SUSD1: variants seen among roughly 807,000 people sequenced by gnomAD.
SUSD1 encodes the protein sushi domain-containing protein 1.
A neutral mutation model predicts 86.9 loss-of-function variants in SUSD1; 65 were observed. The observed-to-expected ratio is 0.75, with a 90% CI of 0.61 to 0.92. The LOEUF (loss-of-function observed/expected upper bound fraction) is 0.92, where lower values mean the gene tolerates loss of function less well. SUSD1 is among the 40% of genes least tolerant of loss of function. The probability of loss-of-function intolerance (pLI) is 0.00; values close to 1 mark genes in which losing one functional copy is unlikely to be tolerated. For synonymous variants in SUSD1, 346 were observed against 350.0 expected, an observed-to-expected ratio of 0.99 and a Z score of 0.13; for missense variants, 850 against 929.7, an observed-to-expected ratio of 0.91 and a Z score of 1.11.
chr9:112,054,264 G>T (rs147672724), intron 14 of SUSD1, among the ~76,000 whole-genome samples: 1 of 152,248 alleles, frequency 6.6e-6, no homozygotes, highest in East Asian at 1.9e-4. Context: ...GTTAACAAGA[G>T]TGCCAAGACC....
chr9:112,062,290 A>C (rs1828763431), intron 13 of SUSD1, among the ~76,000 whole-genome samples: 1 of 152,186 alleles, frequency 6.6e-6, no homozygotes, highest in African/African-American at 2.4e-5. Flanking sequence ...AGTGCAAAGG[A>C]CAATCCTGAC....
Position 112,149,271 on chromosome 9 carries a change from T to C in SUSD1, c.346A>G (p.Ile116Val). 6.2e-7 allele frequency: 1 copy of C among 1,614,212 alleles called. No individual in the cohort carries two copies. The highest frequency in any genetic ancestry group is 8.5e-7 in the Non-Finnish European group (1 of 1,180,034). Residue 116 changes from isoleucine (I) to valine (V), a missense_variant, in exon 3 of 17, where the codon ATT becomes GTT. Coordinates refer to ENST00000374270, the MANE Select transcript of SUSD1 (RefSeq NM_022486.5). ...GTACAAAAGGTGCCATCGTTGGGAA[T>C]GAATGTCTTGTTGTTGTTTGTGGCT... The part of the protein sequence containing the change: ...YRATNNNKTF[I>V]PNDGTFCTDI...
chr9:112,090,885 C>A (rs115982441), intron 10 of SUSD1, among the ~76,000 whole-genome samples: 1 of 152,098 alleles, frequency 6.6e-6, no homozygotes, highest in Non-Finnish European at 1.5e-5. Flanking sequence ...TGTGTCTATA[C>A]GCATGATTAG....
At chr9:112,153,178 G>A (rs1782855099) in intron 2 of SUSD1, among the ~76,000 whole-genome samples, 2 of 151,484 alleles carry the variant, frequency 1.3e-5, no homozygotes, top group Admixed American at 6.6e-5. Flanking sequence ...GAGGTGGAAG[G>A]ATCACTTGAG....
intron 8 of SUSD1, among the ~76,000 whole-genome samples, chr9:112,102,659 A>G (rs574632354): frequency 2.0e-5 from 3 of 152,390 alleles, no homozygotes; most frequent in African/African-American, 7.2e-5. Context: ...AATGTCATGA[A>G]GGTAAGCATA....
intron 5 of SUSD1, among the ~76,000 whole-genome samples, chr9:112,126,398 G>C (rs1831774376): frequency 6.6e-6 from 1 of 152,180 alleles, no homozygotes; most frequent in Admixed American, 6.5e-5. Flanking sequence ...TCTTGGACGT[G>C]ACCAAGAATA....
intron 1 of SUSD1, among the ~76,000 whole-genome samples, chr9:112,165,885 AAAAG>A (rs149320406): frequency 0.12 from 12,019 of 102,656 alleles, 2,185 homozygotes; most frequent in African/African-American, 0.24. Context: ...AAGAGAAAGA[AAAAG>A]AAAGAAAGAA....
At chr9:112,063,659 C>T (rs756354626) in intron 12 of SUSD1, among the ~76,000 whole-genome samples, 13 of 150,960 alleles carry the variant, frequency 8.6e-5, no homozygotes, top group East Asian at 1.9e-4. Flanking sequence ...GTTTTCCATC[C>T]GGAGGAAACT....
chr9:112,168,102 C>G (rs1833899237), intron 1 of SUSD1, among the ~76,000 whole-genome samples: 1 of 152,196 alleles, frequency 6.6e-6, no homozygotes, highest in South Asian at 2.1e-4. Flanking sequence ...GGTAGGGACA[C>G]AGCCAAACCA....
At chr9:112,097,918 C>A (rs180841784) in intron 10 of SUSD1, among the ~76,000 whole-genome samples, 1 of 152,184 alleles carries the variant, frequency 6.6e-6, no homozygotes, top group Non-Finnish European at 1.5e-5. Flanking sequence ...CCACAGCCAT[C>A]CCACTAGGGG....
intron 9 of SUSD1, 44 bp downstream of exon 9, chr9:112,102,132 A>C (rs777705102): frequency 1.7e-6 from 2 of 1,203,830 alleles, no homozygotes; most frequent in East Asian, 5.1e-5. Flanking sequence ...CCAAATTTTT[A>C]AATGACACAA....
Position 112,135,063 on chromosome 9 carries a change from C to CAA in SUSD1, c.706+7255_706+7256dup, listed in dbSNP as rs34814068. On this transcript the variant is annotated intron_variant, in intron 5 of 16. Coordinates refer to ENST00000374270, the MANE Select transcript of SUSD1 (RefSeq NM_022486.5). Reference sequence around the variant, plus strand: ...CCTGGGCAACAAGAGCAAACTGTCTCAAAAAAAAAAAAGAAAAGAAAATGT... The same window carrying CAA: ...CCTGGGCAACAAGAGCAAACTGTCTCAAAAAAAAAAAAAAGAAAAGAAAATGT... Among the ~76,000 whole-genome samples, 75 of 132,760 alleles carry CAA rather than the reference C, an allele frequency of 5.6e-4. 1 individual carries two copies. The Middle Eastern group carries it at 0.011, about 20-fold the overall frequency. 87.1% of individuals were successfully genotyped at this position (132,760 alleles called of 152,430 possible). A position where few individuals can be genotyped will look rare whatever the true frequency, so the allele number is the denominator to read the frequency against.
chr9:112,088,276 C>CAATTGTAGCTGTAGCAAATACA (rs1830062468), intron 10 of SUSD1, among the ~76,000 whole-genome samples: 1 of 152,188 alleles, frequency 6.6e-6, no homozygotes, highest in South Asian at 2.1e-4. Flanking sequence ...TGGTGATAAG[C>CAATTGTAGCTGTAGCAAATACA]ATTTGCTGTA....
chr9:112,153,614 T>TC (rs1169576660), intron 2 of SUSD1, among the ~76,000 whole-genome samples: 2,146 of 86,468 alleles, frequency 0.025, 54 homozygotes, highest in African/African-American at 0.1. Context: ...ATACTATACT[T>TC]TTTTTTTTTT....
rs1831663824 is a variant in SUSD1, at chr9:112,124,121, G to T, written c.886+136C>A. ...TCAGGATTTAGCTGACAAATCTAAA[G>T]CCAGGTGCACAACCAGGTAAATAGC... is the stretch of plus-strand genomic sequence containing the variant. On this transcript the variant is annotated intron_variant, in intron 6 of 16. Transcript: ENST00000374270. 7.8e-6 allele frequency: 6 copies of T among 772,838 alleles called. No individual in the cohort carries two copies. In the South Asian group the frequency reaches 1.7e-4, roughly 22 times the overall value. 47.9% of individuals were successfully genotyped at this position (772,838 alleles called of 1,614,324 possible).
chr9:112,119,537 T>C (rs180811773), intron 6 of SUSD1, among the ~76,000 whole-genome samples: 1 of 152,338 alleles, frequency 6.6e-6, no homozygotes, highest in Non-Finnish European at 1.5e-5. Flanking sequence ...GCAGAGATGT[T>C]ACCCTTCTGA....
rs142273548 is a variant in SUSD1 at position 112,150,497 on chromosome 9, G to A, written c.218-1098C>T. Reference sequence around the variant, plus strand: ...ACCAAAAGTACCCTCCAGAAGATCTGGGTGGGTTTTTTATTATTATTTTTA... The same window carrying A: ...ACCAAAAGTACCCTCCAGAAGATCTAGGTGGGTTTTTTATTATTATTTTTA... On this transcript the variant is annotated intron_variant, in intron 2 of 16. Transcript: ENST00000374270. Among the ~76,000 whole-genome samples, 50 of 152,282 alleles carry A rather than the reference G, an allele frequency of 3.3e-4. No homozygotes were observed. The East Asian group carries it at 7.9e-3, about 24-fold the overall frequency.
intron 1 of SUSD1, among the ~76,000 whole-genome samples, chr9:112,169,621 A>ACC (rs1833957303): frequency 6.8e-6 from 1 of 147,722 alleles, no homozygotes; most frequent in Admixed American, 6.8e-5. Context: ...CTTAACCCCT[A>ACC]CCGGTTCTTT....
intron 5 of SUSD1, among the ~76,000 whole-genome samples, chr9:112,139,038 A>G (rs1832441890): frequency 6.6e-6 from 1 of 152,256 alleles, no homozygotes. Flanking sequence ...AAGAAAAAGA[A>G]TGGACATGAT....
Sources: allele counts gnomAD v4.1 joint callset (sites outside exome capture counted in the v4.1 genomes callset), GRCh38; gene constraint gnomAD v4.1.1; transcripts MANE v1.5; gene names NCBI Gene and HGNC (gene_info 2026-07-23, HGNC 2026-07-21).